The following DSCAM variants were observed in gnomAD, a reference collection of about 807,000 sequenced individuals.
The protein encoded by DSCAM is cell adhesion molecule DSCAM.
DSCAM carries 47 observed loss-of-function variants against 217.7 expected under a neutral mutation model. That is an observed-to-expected ratio of 0.22 (90% CI 0.17 to 0.28). The LOEUF (loss-of-function observed/expected upper bound fraction) is 0.28. Among genes scored for constraint, DSCAM ranks in the 10% least tolerant of loss-of-function variants. The pLI is 1.00. For synonymous variants in DSCAM, 1,056 were observed against 1,015.3 expected (o/e 1.04, Z -0.76); for missense variants, 2,080 against 2,618.3 (o/e 0.79, Z 4.49).
intron 3 of DSCAM, among the ~76,000 whole-genome samples, chr21:40,542,704 T>A (rs2076551381): frequency 6.6e-6 from 1 of 152,194 alleles, no homozygotes; most frequent in South Asian, 2.1e-4. Flanking sequence ...GAGGAATAAT[T>A]GTCTGCTGTT....
chr21:40,759,870 C>T (rs549550336), intron 1 of DSCAM, among the ~76,000 whole-genome samples: 1 of 152,264 alleles, frequency 6.6e-6, no homozygotes, highest in African/African-American at 2.4e-5. Context: ...CAGCCATCGC[C>T]CTCCACACAT....
chr21:40,798,954 T>C (rs58441352), intron 1 of DSCAM, among the ~76,000 whole-genome samples: 17,483 of 152,166 alleles, frequency 0.11, 1,198 homozygotes, highest in East Asian at 0.22. Context: ...CCCAATGCTA[T>C]AAAACTATAG....
chr21:40,243,275 A>AT lies in DSCAM; in HGVS notation c.2356+32821dup, dbSNP rs1569019570. Among the ~76,000 whole-genome samples, 4 of 152,330 alleles carry AT rather than the reference A, an allele frequency of 2.6e-5. No homozygotes were observed. In the South Asian group the frequency reaches 6.2e-4, roughly 24 times the overall value. The stretch of plus-strand genomic sequence containing the variant: ...GAAAAAGGAAAAAAATAATAAAGTG[A>AT]TTTTTTTAAAAATAAAATTTCAGTC... On this transcript the variant is annotated intron_variant, in intron 11 of 32. Transcript: ENST00000400454.
rs773809627 is a variant in DSCAM, at chr21:40,353,525, C to T, written c.874G>A (p.Val292Ile). The change falls in exon 5 of 33, where the codon GTT becomes ATT. Residue 292 changes from valine to isoleucine, a missense_variant. Transcript: ENST00000400454. ...NIRPSDSGSY[V>I]CEVSNRYGTA... is the part of the protein sequence containing the mutation. The stretch of plus-strand genomic sequence containing the variant: ...CCGTATCTGTTGGACACTTCACAAA[C>T]ATAGCTGCCTGAGTCCGAGGGGCGA... 8.7e-6 allele frequency: 14 copies of T among 1,612,476 alleles called. No homozygotes were observed. The highest frequency in any genetic ancestry group is 3.4e-5 in the Admixed American group (2 of 59,610).
At chr21:40,811,703 C>T (rs1010714513) in intron 1 of DSCAM, among the ~76,000 whole-genome samples, 3 of 152,222 alleles carry the variant, frequency 2.0e-5, no homozygotes, top group Non-Finnish European at 4.4e-5. Context: ...GAGCAGTTAA[C>T]TCAGCTTTGG....
At chr21:40,823,791 T>C (rs570901175) in intron 1 of DSCAM, among the ~76,000 whole-genome samples, 5 of 152,218 alleles carry the variant, frequency 3.3e-5, no homozygotes, top group Non-Finnish European at 5.9e-5. Flanking sequence ...CCCTTCAGGA[T>C]GTGCCCTCTG....
At chr21:40,287,016 TATCTGCGGTGTG>T (rs1434593880) in intron 10 of DSCAM, among the ~76,000 whole-genome samples, 2 of 132,994 alleles carry the variant, frequency 1.5e-5, no homozygotes, top group Non-Finnish European at 3.1e-5. Flanking sequence ...GATCTGCAGG[TATCTGCGGTGTG>T]ATCTGCAGTG....
intron 1 of DSCAM, among the ~76,000 whole-genome samples, chr21:40,822,657 T>C (rs1021563301): frequency 2.6e-5 from 4 of 152,164 alleles, no homozygotes; most frequent in African/African-American, 9.7e-5. Context: ...CTTCGGTCAT[T>C]AATAACATTA....
At chr21:40,532,438 A>T (rs908419871) in intron 3 of DSCAM, among the ~76,000 whole-genome samples, 1 of 152,226 alleles carries the variant, frequency 6.6e-6, no homozygotes, top group Non-Finnish European at 1.5e-5. Context: ...TTCTAGACAC[A>T]TGGAAGGCAA....
intron 3 of DSCAM, among the ~76,000 whole-genome samples, chr21:40,391,717 A>T (rs967878265): frequency 6.6e-6 from 1 of 152,188 alleles, no homozygotes; most frequent in Non-Finnish European, 1.5e-5. Context: ...CTCAATACAT[A>T]CTTGCTCACT....
At chr21:40,109,682 G>A (rs2089869746) in intron 20 of DSCAM, among the ~76,000 whole-genome samples, 1 of 152,228 alleles carries the variant, frequency 6.6e-6, no homozygotes, top group African/African-American at 2.4e-5. Flanking sequence ...AGAAAGGGGT[G>A]ACAGACGGCA....
intron 32 of DSCAM, among the ~76,000 whole-genome samples, chr21:40,024,188 G>A (rs200001921): frequency 0.014 from 1,040 of 76,422 alleles, 307 homozygotes; most frequent in African/African-American, 0.045. Context: ...GTAGATATGC[G>A]GCATTATTTC....
chr21:40,477,886 T>C (rs1426720145), intron 3 of DSCAM, among the ~76,000 whole-genome samples: 1 of 151,990 alleles, frequency 6.6e-6, no homozygotes, highest in Non-Finnish European at 1.5e-5. Flanking sequence ...TAGAGAAGAG[T>C]ACATTTAACT....
At chr21:40,426,130 C>T (rs12482685) in intron 3 of DSCAM, among the ~76,000 whole-genome samples, 8,253 of 152,206 alleles carry the variant, frequency 0.054, 450 homozygotes, top group Admixed American at 0.17. Flanking sequence ...AAGAAAAGAC[C>T]GACTCTGGAC....
chr21:40,254,731 T>A (rs757811110), intron 11 of DSCAM, among the ~76,000 whole-genome samples: 1 of 152,084 alleles, frequency 6.6e-6, no homozygotes, highest in East Asian at 1.9e-4. Context: ...CCTCTCCAAC[T>A]TCCTGTACTC....
intron 24 of DSCAM, among the ~76,000 whole-genome samples, chr21:40,081,363 A>C (rs1021074667): frequency 1.3e-5 from 2 of 152,100 alleles, no homozygotes; most frequent in East Asian, 3.9e-4. Flanking sequence ...CTAAACCCAA[A>C]TGGGCAGGTT....
chr21:40,368,797 T>C (rs951758558), intron 4 of DSCAM, among the ~76,000 whole-genome samples: 2 of 152,226 alleles, frequency 1.3e-5, no homozygotes, highest in African/African-American at 2.4e-5. Flanking sequence ...AAATGCAATT[T>C]GACTGCATTT....
intron 6 of DSCAM, among the ~76,000 whole-genome samples, chr21:40,347,197 C>G (rs2074567594): frequency 6.6e-6 from 1 of 151,058 alleles, no homozygotes; most frequent in Admixed American, 6.6e-5. Flanking sequence ...ACTCGGGAGG[C>G]TGAGGCAGGA....
At chr21:40,768,864 T>C (rs138073851) in intron 1 of DSCAM, among the ~76,000 whole-genome samples, 219 of 152,250 alleles carry the variant, frequency 1.4e-3, no homozygotes, top group Non-Finnish European at 2.7e-3. Context: ...GAAGATCTTA[T>C]AGAACAAGAG....
Sources: allele counts gnomAD v4.1 joint callset (sites outside exome capture counted in the v4.1 genomes callset), GRCh38; gene constraint gnomAD v4.1.1; transcripts MANE v1.5; gene names NCBI Gene and HGNC (gene_info 2026-07-23, HGNC 2026-07-21).